Variants in DYNC1I1 observed in about 807,000 individuals in gnomAD.
DYNC1I1 encodes the protein cytoplasmic dynein 1 intermediate chain 1.
DYNC1I1 carries 43 observed loss-of-function variants against 86.6 expected under a neutral mutation model. The ratio of observed to expected loss-of-function variants is 0.50; its 90% CI spans 0.39 to 0.64. DYNC1I1 has a LOEUF of 0.64. DYNC1I1 is among the 30% of genes least tolerant of loss of function. The pLI is 0.00. For synonymous variants in DYNC1I1, 262 were observed against 283.7 expected (o/e 0.92, Z 0.77); for missense variants, 604 against 788.8 (o/e 0.77, Z 2.81).
intron 1 of DYNC1I1, among the ~76,000 whole-genome samples, chr7:95,798,653 A>G (rs1794504009): frequency 2.0e-5 from 3 of 152,206 alleles, no homozygotes; most frequent in South Asian, 4.1e-4. Context: ...TTAAAAATAC[A>G]TTTGCATATG....
At chr7:95,815,270 G>A (rs1028787124) in intron 4 of DYNC1I1, among the ~76,000 whole-genome samples, 1 of 152,106 alleles carries the variant, frequency 6.6e-6, no homozygotes, top group Non-Finnish European at 1.5e-5. Flanking sequence ...CACTTTGGAA[G>A]AGGTGCAGCT....
At chr7:95,988,543 G>A (rs1009747720) in intron 9 of DYNC1I1, among the ~76,000 whole-genome samples, 1 of 152,182 alleles carries the variant, frequency 6.6e-6, no homozygotes, top group African/African-American at 2.4e-5. Context: ...GAGTAGGTAA[G>A]TAACATGCAA....
At chr7:95,804,180 C>T (rs926715902) in intron 1 of DYNC1I1, 2 of 199,310 alleles carry the variant, frequency 1.0e-5, no homozygotes, top group South Asian at 8.4e-5. Context: ...CGGTCTTCAG[C>T]GGCTGTCTTC....
At chr7:96,063,654 G>A (rs919511467) in intron 14 of DYNC1I1, among the ~76,000 whole-genome samples, 16 of 152,016 alleles carry the variant, frequency 1.1e-4, no homozygotes, top group Non-Finnish European at 1.6e-4. Context: ...ATTACAGCCC[G>A]CCCATACAAC....
chr7:95,870,020 C>CT, intron 6 of DYNC1I1, 22 bp downstream of exon 6: 2 of 1,591,842 alleles, frequency 1.3e-6, no homozygotes, highest in Admixed American at 1.7e-5. Flanking sequence ...CTTTGGCTTA[C>CT]TTTCCATATT....
chr7:95,969,109 C>T (rs1035691991), intron 6 of DYNC1I1, among the ~76,000 whole-genome samples: 5 of 152,164 alleles, frequency 3.3e-5, no homozygotes, highest in African/African-American at 4.8e-5. Context: ...ATAAAATCTG[C>T]AATTTGCCAT....
At chr7:95,855,470 A>G (rs922171665) in intron 5 of DYNC1I1, among the ~76,000 whole-genome samples, 1 of 152,120 alleles carries the variant, frequency 6.6e-6, no homozygotes, top group Non-Finnish European at 1.5e-5. Flanking sequence ...CTGTACCTGG[A>G]TATTTACATT....
chr7:95,780,209 A>T (rs1793950740), intron 1 of DYNC1I1, among the ~76,000 whole-genome samples: 1 of 152,124 alleles, frequency 6.6e-6, no homozygotes, highest in Non-Finnish European at 1.5e-5. Flanking sequence ...ATTCATTCTA[A>T]TGAATAAATG....
At chr7:95,870,437 C>T (rs1187100776) in intron 6 of DYNC1I1, among the ~76,000 whole-genome samples, 2 of 152,244 alleles carry the variant, frequency 1.3e-5, no homozygotes, top group Non-Finnish European at 2.9e-5. Context: ...CTATATCCAA[C>T]CATTGACTTC....
At chr7:96,002,172 A>G (rs319309) in intron 10 of DYNC1I1, among the ~76,000 whole-genome samples, 2,385 of 152,212 alleles carry the variant, frequency 0.016, 58 homozygotes, top group African/African-American at 0.055. Context: ...AGTTTTCCCC[A>G]ACCCCAACCA....
At chr7:95,987,824 C>T (rs1170792424) in intron 9 of DYNC1I1, among the ~76,000 whole-genome samples, 2 of 152,184 alleles carry the variant, frequency 1.3e-5, no homozygotes, top group Non-Finnish European at 2.9e-5. Context: ...TATCCCAAAT[C>T]CTTTTTTACC....
intron 1 of DYNC1I1, among the ~76,000 whole-genome samples, chr7:95,788,690 T>A (rs1794212911): frequency 6.6e-6 from 1 of 152,186 alleles, no homozygotes; most frequent in Non-Finnish European, 1.5e-5. Flanking sequence ...TCTATTGTAA[T>A]AGGTTTTGCA....
intron 12 of DYNC1I1, among the ~76,000 whole-genome samples, chr7:96,033,518 A>G (rs1794862742): frequency 6.6e-6 from 1 of 152,218 alleles, no homozygotes; most frequent in African/African-American, 2.4e-5. Context: ...GTGAAAAAAC[A>G]GTATTCACTA....
intron 15 of DYNC1I1, 81 bp downstream of exon 15, chr7:96,076,278 C>G (rs1238820678): frequency 1.3e-6 from 2 of 1,550,422 alleles, no homozygotes; most frequent in African/African-American, 2.7e-5. Context: ...CCTCTTTCTC[C>G]AAAACGGCCT....
intron 6 of DYNC1I1, among the ~76,000 whole-genome samples, chr7:95,898,250 G>A: frequency 6.6e-6 from 1 of 152,136 alleles, no homozygotes. Context: ...CCACCTGCTG[G>A]GGCCTCTGGG....
chr7:96,036,221 G>C (rs1794924096), intron 13 of DYNC1I1, among the ~76,000 whole-genome samples: 1 of 152,024 alleles, frequency 6.6e-6, no homozygotes, highest in Non-Finnish European at 1.5e-5. Flanking sequence ...TCTGACTCTT[G>C]GGCAAAGAAA....
In DYNC1I1 at chr7:95,834,945, G is replaced by C. The variant is rs1197624573; in HGVS notation, c.374+6829G>C. Among the ~76,000 whole-genome samples, 7 of 150,454 alleles carry C rather than the reference G, an allele frequency of 4.7e-5. No individual in the cohort carries two copies. In the East Asian group the frequency reaches 5.8e-4, roughly 13 times the overall value. On this transcript the variant is annotated intron_variant, in intron 5 of 16. Transcript: ENST00000447467. Reference sequence around the variant, plus strand: ...CAGCTCCTGGATTCATTAATTTTTTGAAGGGTTTTTTGTGTCTCTATTTCC... The same window carrying C: ...CAGCTCCTGGATTCATTAATTTTTTCAAGGGTTTTTTGTGTCTCTATTTCC...
chr7:96,022,819 A>G lies in DYNC1I1; in HGVS notation c.970-5356A>G, dbSNP rs147928171. Among the ~76,000 whole-genome samples, 654 of 152,074 alleles carry G rather than the reference A, an allele frequency of 4.3e-3. 9 individuals carry two copies. Among genetic ancestry groups the G allele is most frequent in the African/African-American group, 0.015 (617 of 41,508 alleles). On this transcript the variant is annotated intron_variant, in intron 10 of 16. Transcript: ENST00000447467. ...GCTCAAGTGAGCTATGACTTGAGCTATGACTGTGCCATTGCATTCCAGCCT... is the reference window on the plus strand; with the variant it reads ...GCTCAAGTGAGCTATGACTTGAGCTGTGACTGTGCCATTGCATTCCAGCCT...
chr7:96,109,744 G>T (rs1445105377), intron 16 of DYNC1I1, among the ~76,000 whole-genome samples: 1 of 152,074 alleles, frequency 6.6e-6, no homozygotes, highest in Non-Finnish European at 1.5e-5. Context: ...TATAGTCAGA[G>T]AATATAATGT....
Sources: gnomAD v4.1 joint callset for allele counts (sites outside exome capture counted in the v4.1 genomes callset) on GRCh38, gnomAD v4.1.1 for gene constraint, MANE v1.5 for transcripts, NCBI Gene and HGNC (gene_info 2026-07-23, HGNC 2026-07-21) for gene names.